AAK1: variants seen among roughly 807,000 people sequenced by gnomAD.
AAK1 encodes the protein AP2-associated protein kinase 1.
In AAK1, 37 loss-of-function variants were observed where a neutral mutation model predicts 116.0. That is an observed-to-expected ratio of 0.32 (90% CI 0.25 to 0.42). The LOEUF is 0.42. Ranked by LOEUF, AAK1 falls within the 10% of genes least tolerant of loss-of-function variation. AAK1 has a pLI of 1.00. For synonymous variants in AAK1, 458 were observed against 439.9 expected, an observed-to-expected ratio of 1.04 and a Z score of -0.51; for missense variants, 919 against 1,170.6, an observed-to-expected ratio of 0.79 and a Z score of 3.14.
chr2:69,612,101 T>C (rs186416929), intron 2 of AAK1, among the ~76,000 whole-genome samples: 1 of 152,352 alleles, frequency 6.6e-6, no homozygotes, highest in Non-Finnish European at 1.5e-5. Context: ...ATAATGTGAA[T>C]GTACTGCACG....
intron 2 of AAK1, among the ~76,000 whole-genome samples, chr2:69,572,407 G>A (rs1320112858): frequency 1.3e-5 from 2 of 151,906 alleles, no homozygotes; most frequent in South Asian, 2.1e-4. Flanking sequence ...CACCTGAGGT[G>A]AGGAATTCGA....
rs114735507 is a variant in AAK1 at position 69,466,571 on chromosome 2, A to G, written c.*9298T>C. 1.2e-3 allele frequency: 1,410 copies of G among 1,178,030 alleles called. 15 individuals are homozygous for G. The African/African-American group carries it at 0.021, about 18-fold the overall frequency. 73.0% of individuals were successfully genotyped at this position (1,178,030 alleles called of 1,614,324 possible). ...GGAGATCTAGAAAAGCATAAAATGC[A>G]GAATTAATGTGTAGGTCAATTCAAC... On this transcript the variant is annotated 3_prime_UTR_variant, in exon 22 of 22. Coordinates refer to ENST00000409085, the MANE Select transcript of AAK1 (RefSeq NM_014911.5).
Position 69,466,227 on chromosome 2 carries a change from G to A in AAK1, c.*9642C>T, listed in dbSNP as rs561007645. On this transcript the variant is annotated 3_prime_UTR_variant, in exon 22 of 22. Transcript: ENST00000409085. Reference sequence around the variant, plus strand: ...TGCTTGCTCAGGAGAGACTTCTGGTGGAGCGAATGGAACGGCTCCTCCCAG... The same window carrying A: ...TGCTTGCTCAGGAGAGACTTCTGGTAGAGCGAATGGAACGGCTCCTCCCAG... 3 of 1,289,800 alleles carry A rather than the reference G, an allele frequency of 2.3e-6. No homozygotes were observed. The highest frequency in any genetic ancestry group is 3.0e-5 in the African/African-American group (2 of 65,966). The allele number at this position is 1,289,800 out of a possible 1,614,324, so 79.9% of individuals were successfully genotyped here. A position where few individuals can be genotyped will look rare whatever the true frequency, so the allele number is the denominator to read the frequency against.
chr2:69,506,562 G>A (rs779946889), intron 15 of AAK1, among the ~76,000 whole-genome samples: 1 of 152,044 alleles, frequency 6.6e-6, no homozygotes, highest in Non-Finnish European at 1.5e-5. Flanking sequence ...ATAGGATCTT[G>A]GCATGTTGCC....
At chr2:69,633,331 G>A (rs1017668113) in intron 2 of AAK1, among the ~76,000 whole-genome samples, 27 of 151,836 alleles carry the variant, frequency 1.8e-4, no homozygotes, top group Admixed American at 5.2e-4. Context: ...TGCCAGGCAC[G>A]GTGGCTCACG....
At chr2:69,589,523 A>G (rs931794869) in intron 2 of AAK1, among the ~76,000 whole-genome samples, 1 of 152,124 alleles carries the variant, frequency 6.6e-6, no homozygotes, top group African/African-American at 2.4e-5. Context: ...AGCCTGACCA[A>G]TATGATGAAA....
intron 2 of AAK1, among the ~76,000 whole-genome samples, chr2:69,586,921 G>A (rs1220576405): frequency 6.6e-6 from 1 of 152,144 alleles, no homozygotes; most frequent in Admixed American, 6.5e-5. Context: ...TAGGCAGTTA[G>A]CTGTGAGAAC....
At chr2:69,556,819 C>T in intron 3 of AAK1, 41 bp downstream of exon 3, 2 of 1,487,460 alleles carry the variant, frequency 1.3e-6, no homozygotes, top group Non-Finnish European at 1.9e-6. Flanking sequence ...ACAATCTCTG[C>T]CTCCATTTTA....
In AAK1 at chr2:69,458,913, C is replaced by T. The variant is rs1026056268; in HGVS notation, c.*16956G>A. The T allele has an allele frequency of 6.6e-6, 1 of 152,482 alleles. No homozygotes were observed. The highest frequency in any genetic ancestry group is 2.4e-5 in the African/African-American group (1 of 41,460). 9.4% of individuals were successfully genotyped at this position (152,482 alleles called of 1,614,324 possible). ...AAAGGAATCAAACGGATCCCTTTAA[C>T]ATGTACATATAGTTCCATTATAATG... is the stretch of plus-strand genomic sequence containing the variant. On this transcript the variant is annotated 3_prime_UTR_variant, in exon 22 of 22. Transcript: ENST00000409085.
At chr2:69,606,254 T>G (rs1049664495) in intron 2 of AAK1, among the ~76,000 whole-genome samples, 2 of 152,182 alleles carry the variant, frequency 1.3e-5, no homozygotes, top group Non-Finnish European at 2.9e-5. Flanking sequence ...TTATTGGGTG[T>G]CCATGTCTTC....
chr2:69,551,473 C>T (rs1276176796), intron 3 of AAK1, among the ~76,000 whole-genome samples: 1 of 152,234 alleles, frequency 6.6e-6, no homozygotes, highest in East Asian at 1.9e-4. Context: ...TGTACAGGAT[C>T]TATCTTCCAC....
intron 2 of AAK1, among the ~76,000 whole-genome samples, chr2:69,617,409 C>G (rs1384467986): frequency 2.0e-5 from 3 of 152,108 alleles, no homozygotes; most frequent in Admixed American, 2.0e-4. Flanking sequence ...GCCATTTAAT[C>G]CTCTGGGCAT....
intron 2 of AAK1, among the ~76,000 whole-genome samples, chr2:69,596,282 G>A (rs779806905): frequency 4.1e-4 from 61 of 150,030 alleles, no homozygotes; most frequent in Admixed American, 2.5e-3. Flanking sequence ...GTGCAGTGGC[G>A]CCATTTTGGC....
intron 2 of AAK1, among the ~76,000 whole-genome samples, chr2:69,632,666 A>G (rs1490915164): frequency 6.6e-6 from 1 of 152,244 alleles, no homozygotes; most frequent in East Asian, 1.9e-4. Context: ...TGGGAGACCA[A>G]GGCAGGCAGA....
intron 2 of AAK1, among the ~76,000 whole-genome samples, chr2:69,559,298 ACTCT>A (rs1043202922): frequency 1.2e-3 from 91 of 78,380 alleles, no homozygotes; most frequent in East Asian, 2.4e-3. Context: ...ACACACACAC[ACTCT>A]CTCTCTCCTC....
intron 16 of AAK1, 69 bp from the exon 17 acceptor site, chr2:69,496,149 A>C: frequency 2.7e-6 from 3 of 1,131,200 alleles, no homozygotes. Flanking sequence ...ACACCAAGTA[A>C]ATCTAGGTAA....
In AAK1 at chr2:69,474,421, T is replaced by C. The variant is rs1674779396; in HGVS notation, c.*1448A>G. The C allele has an allele frequency of 5.2e-5, 51 of 985,734 alleles. No homozygotes were observed. The highest frequency in any genetic ancestry group is 5.8e-5 in the Non-Finnish European group (48 of 829,940). The allele number at this position is 985,734 out of a possible 1,614,324, so 61.1% of individuals were successfully genotyped here. On this transcript the variant is annotated 3_prime_UTR_variant, in exon 22 of 22. Coordinates refer to ENST00000409085, the MANE Select transcript of AAK1 (RefSeq NM_014911.5). ...CCACATAAGGAAATAAAATACACTTTAATGAGTAAGTACATATAGAGAGGG... is the reference window on the plus strand; with the variant it reads ...CCACATAAGGAAATAAAATACACTTCAATGAGTAAGTACATATAGAGAGGG...
rs182840214 is a variant in AAK1 at position 69,496,732 on chromosome 2, A to G, written c.2270-652T>C. Among the ~76,000 whole-genome samples the G allele has an allele frequency of 2.7e-4, 41 of 152,310 alleles. No homozygotes were observed. The East Asian group carries it at 5.4e-3, about 20-fold the overall frequency. ...CACACATTTTAGCACATAAACAGAT[A>G]TAACACTATCTGTTTTGTAATCTAG... On this transcript the variant is annotated intron_variant, in intron 16 of 21. Coordinates refer to ENST00000409085, the MANE Select transcript of AAK1 (RefSeq NM_014911.5).
chr2:69,561,332 GTTC>G (rs1239278983), intron 2 of AAK1, among the ~76,000 whole-genome samples: 1 of 152,104 alleles, frequency 6.6e-6, no homozygotes, highest in Non-Finnish European at 1.5e-5. Context: ...CATCACCACA[GTTC>G]TTATCTTTCT....
Sources: gnomAD v4.1 joint callset for allele counts (sites outside exome capture counted in the v4.1 genomes callset) on GRCh38, gnomAD v4.1.1 for gene constraint, MANE v1.5 for transcripts, NCBI Gene and HGNC (gene_info 2026-07-23, HGNC 2026-07-21) for gene names.